Variants in LARGE1 observed in about 807,000 individuals in gnomAD.
LARGE1 encodes the protein LARGE xylosyl- and glucuronyltransferase 1.
A neutral mutation model predicts 87.6 loss-of-function variants in LARGE1; 43 were observed. The observed-to-expected ratio is 0.49, with a 90% CI of 0.38 to 0.63. The LOEUF (loss-of-function observed/expected upper bound fraction) is 0.63, where lower values mean the gene tolerates loss of function less well. LARGE1 is among the 30% of genes least tolerant of loss of function. The pLI is 0.00. For synonymous variants in LARGE1, 434 were observed against 394.6 expected, an observed-to-expected ratio of 1.10 and a Z score of -1.18; for missense variants, 802 against 1,000.2, an observed-to-expected ratio of 0.80 and a Z score of 2.67.
At chr22:33,895,061 G>GC (rs1401901589) in intron 1 of LARGE1, among the ~76,000 whole-genome samples, 2 of 152,092 alleles carry the variant, frequency 1.3e-5, no homozygotes, top group Admixed American at 6.5e-5. Context: ...TATTGGAGAG[G>GC]CAAGTGGGGG....
intron 1 of LARGE1, among the ~76,000 whole-genome samples, chr22:33,911,077 C>T (rs148932446): frequency 6.6e-6 from 1 of 152,248 alleles, no homozygotes; most frequent in African/African-American, 2.4e-5. Context: ...AATGAAATAA[C>T]AAAAATGACC....
intron 1 of LARGE1, among the ~76,000 whole-genome samples, chr22:33,851,707 A>C (rs1018132022): frequency 1.3e-5 from 2 of 152,220 alleles, no homozygotes; most frequent in Non-Finnish European, 1.5e-5. Context: ...AGCTCATTAT[A>C]CAATTTGGAC....
intron 6 of LARGE1, among the ~76,000 whole-genome samples, chr22:33,475,621 C>T (rs946741852): frequency 6.6e-6 from 1 of 151,992 alleles, no homozygotes; most frequent in Admixed American, 6.6e-5. Flanking sequence ...ACCACGACAC[C>T]TGGCTAATTT....
rs1555898182 is a variant in LARGE1, at chr22:33,334,435, A to AC, written c.1287+3210dup. 2.0e-3 allele frequency among the ~76,000 whole-genome samples: 291 copies of AC among 145,012 alleles called. 15 individuals are homozygous for AC. The highest frequency in any genetic ancestry group is 7.4e-3 in the African/African-American group (270 of 36,452). On this transcript the variant is annotated intron_variant, in intron 10 of 14. Coordinates refer to ENST00000397394, the MANE Select transcript of LARGE1 (RefSeq NM_133642.5). ...AAAAAAAAAAAAACAAAAAAAAAAAACACCAAACAAAAAGAAACAGGGCAT... is the reference window on the plus strand; with the variant it reads ...AAAAAAAAAAAAACAAAAAAAAAAAACCACCAAACAAAAAGAAACAGGGCAT...
At chr22:33,743,958 G>C (rs2083984234) in intron 2 of LARGE1, 1 of 152,140 alleles carries the variant, frequency 6.6e-6, no homozygotes, top group African/African-American at 2.4e-5. Flanking sequence ...GTGACCCTGA[G>C]CAATCCACTC....
chr22:33,067,628 G>A, the LARGE1 span, among the ~76,000 whole-genome samples: 1 of 152,148 alleles, frequency 6.6e-6, no homozygotes, highest in East Asian at 1.9e-4. Context: ...CCAGGGTCAG[G>A]AGTTGAACCC....
chr22:33,862,860 T>C (rs193078595), intron 1 of LARGE1, among the ~76,000 whole-genome samples: 3 of 152,302 alleles, frequency 2.0e-5, no homozygotes, highest in East Asian at 1.9e-4. Flanking sequence ...ATATTGATGA[T>C]TGATGTTCCT....
intron 2 of LARGE1, among the ~76,000 whole-genome samples, chr22:33,720,714 G>C (rs2083070494): frequency 6.6e-6 from 1 of 152,220 alleles, no homozygotes. Context: ...GAAGGAACTG[G>C]CTACAAAGTG....
At chr22:33,074,481 C>G in the LARGE1 span, among the ~76,000 whole-genome samples, 11,955 of 152,126 alleles carry the variant, frequency 0.079, 1,388 homozygotes, top group African/African-American at 0.25. Context: ...TCCAGACCAT[C>G]CTGACCAACA....
intron 1 of LARGE1, among the ~76,000 whole-genome samples, chr22:33,792,233 G>A (rs1282568178): frequency 6.6e-6 from 1 of 152,192 alleles, no homozygotes; most frequent in South Asian, 2.1e-4. Flanking sequence ...TGTCATGGGA[G>A]GGACCTGTTA....
At chr22:33,473,676 CT>C (rs1443822646) in intron 6 of LARGE1, among the ~76,000 whole-genome samples, 1 of 152,148 alleles carries the variant, frequency 6.6e-6, no homozygotes, top group Non-Finnish European at 1.5e-5. Context: ...AACTCCTGAC[CT>C]CAGGTGATCC....
At chr22:33,158,583 C>T (rs931724955), downstream of LARGE1, among the ~76,000 whole-genome samples, 2 of 152,158 alleles carry the variant, frequency 1.3e-5, no homozygotes, top group African/African-American at 2.4e-5. Context: ...AAACTTCCAT[C>T]TGAATATCAG....
chr22:33,740,120 C>T (rs572678866), intron 2 of LARGE1, among the ~76,000 whole-genome samples: 2 of 152,280 alleles, frequency 1.3e-5, no homozygotes, highest in African/African-American at 4.8e-5. Context: ...CCTTGACCAT[C>T]GCTTCCTGGA....
the LARGE1 span, among the ~76,000 whole-genome samples, chr22:33,068,446 C>G: frequency 6.6e-6 from 1 of 152,014 alleles, no homozygotes; most frequent in Non-Finnish European, 1.5e-5. Flanking sequence ...GAGATCGAGA[C>G]CATCCTGGCT....
chr22:33,422,859 C>T (rs1235487188), intron 7 of LARGE1, among the ~76,000 whole-genome samples: 1 of 152,062 alleles, frequency 6.6e-6, no homozygotes, highest in Admixed American at 6.6e-5. Context: ...ATGAGAAATC[C>T]ACCCCCATGA....
At chr22:33,481,220 T>TACACACAC (rs71785834) in intron 6 of LARGE1, among the ~76,000 whole-genome samples, 101 of 146,700 alleles carry the variant, frequency 6.9e-4, no homozygotes, top group African/African-American at 2.4e-3. Context: ...GCACTATAGA[T>TACACACAC]ACACACACAC....
At chr22:33,124,913 CT>C in the LARGE1 span, among the ~76,000 whole-genome samples, 1 of 152,334 alleles carries the variant, frequency 6.6e-6, no homozygotes, top group Middle Eastern at 3.4e-3. Flanking sequence ...TGTCAAGTCT[CT>C]GTGACTGCTC....
At chr22:33,589,720 C>T (rs2078782445) in intron 5 of LARGE1, among the ~76,000 whole-genome samples, 1 of 152,158 alleles carries the variant, frequency 6.6e-6, no homozygotes, top group Non-Finnish European at 1.5e-5. Flanking sequence ...AAAATATCTC[C>T]AGTGACAGCT....
intron 2 of LARGE1, among the ~76,000 whole-genome samples, chr22:33,677,240 A>G (rs1007391523): frequency 6.6e-6 from 1 of 151,506 alleles, no homozygotes; most frequent in Non-Finnish European, 1.5e-5. Context: ...AATGATTCTC[A>G]AGATGTAACA....
Sources: gnomAD v4.1 joint callset for allele counts (sites outside exome capture counted in the v4.1 genomes callset) on GRCh38, gnomAD v4.1.1 for gene constraint, MANE v1.5 for transcripts, NCBI Gene and HGNC (gene_info 2026-07-23, HGNC 2026-07-21) for gene names.